The following CHTF18 variants were observed in gnomAD, a reference collection of about 807,000 sequenced individuals.
The protein encoded by CHTF18 is chromosome transmission fidelity factor 18, also known as chromosome transmission fidelity protein 18 homolog.
In CHTF18, 151 loss-of-function variants were observed where a neutral mutation model predicts 113.4. The observed-to-expected ratio is 1.33, with a 90% confidence interval of 1.17 to 1.52. CHTF18 has a LOEUF of 1.52. Among genes scored for constraint, CHTF18 ranks in the 40% most tolerant of loss-of-function variants. The pLI is 0.00. For missense variants in CHTF18, 1,982 were observed against 1,381.6 expected, an observed-to-expected ratio of 1.43 and a Z score of -6.89; for synonymous variants, 916 against 598.8, an observed-to-expected ratio of 1.53 and a Z score of -7.74.
At chr16:793,857 G>A in intron 14 of CHTF18, 197 bp from the exon 15 acceptor site, 1 of 657,468 alleles carries the variant, frequency 1.5e-6, no homozygotes, top group Non-Finnish European at 2.6e-6. Context: ...GGGCTCCTCG[G>A]CTTAAGGGAA....
In CHTF18 at chr16:797,836, CAGGGGACACGGCCCCGG is replaced by C. The variant is rs1329311956; in HGVS notation, c.2792_2808del (p.Gly931AlafsTer43). On this transcript the variant is annotated splice_acceptor_variant and coding_sequence_variant, in exon 22 of 22. Coordinates refer to ENST00000262315, the MANE Select transcript of CHTF18 (RefSeq NM_022092.3). LOFTEE classifies it high-confidence loss of function. ...GCTGAGGAGCAACCCTGTGGCCCCG[CAGGGGACACGGCCCCGG>C]AGCAGGACTCAGTGGAGCGGCGCAT... is the stretch of plus-strand genomic sequence containing the variant. The C allele has an allele frequency of 6.2e-7, 1 of 1,600,778 alleles. No individual in the cohort carries two copies. Among genetic ancestry groups the C allele is most frequent in the East Asian group, 2.3e-5 (1 of 44,418 alleles).
chr16:794,272 C>G, intron 15 of CHTF18, 71 bp downstream of exon 15: 1 of 1,546,554 alleles, frequency 6.5e-7, no homozygotes, highest in Non-Finnish European at 8.8e-7. Context: ...CCTGCCCCTG[C>G]CGGTCCTCCC....
chr16:792,481 C>G lies in CHTF18; in HGVS notation c.1369C>G (p.Pro457Ala), dbSNP rs780779073. 1 of 1,587,508 alleles carries G rather than the reference C, an allele frequency of 6.3e-7. No individual in the cohort carries two copies. Among genetic ancestry groups the G allele is most frequent in the South Asian group, 1.1e-5 (1 of 88,144 alleles). The change falls in exon 11 of 22, where the codon CCA (proline) becomes GCA (alanine). Residue 457 changes from proline (P) to alanine (A), a missense_variant. Transcript: ENST00000262315. ...CCTGAGCATCCTGAACCGCAAGGGGCCACAGGAGGTGGGGCCACAGGGCCC... is the reference window on the plus strand; with the variant it reads ...CCTGAGCATCCTGAACCGCAAGGGGGCACAGGAGGTGGGGCCACAGGGCCC... ...VLLSILNRKG[P>A]QEVGPQGPAV...
In CHTF18 at chr16:789,032, C is replaced by T. The variant is rs746431002; in HGVS notation, c.193C>T (p.Pro65Ser). Residue 65 changes from proline (P) to serine (S), a missense_variant, in exon 2 of 22, where the codon CCC becomes TCC. By Grantham distance (74) the Pro-to-Ser change is moderately conservative. Transcript: ENST00000262315. ...ALARGDAASS[P>S]APAASVGSSQ... ...TGCCAGAGGGGACGCGGCCTCCAGT[C>T]CCGCCCCAGCCGCATCTGTGGGCAG... The T allele has an allele frequency of 1.2e-5, 18 of 1,536,648 alleles. No individual in the cohort carries two copies. The highest frequency in any genetic ancestry group is 2.4e-5 in the East Asian group (1 of 40,822).
rs778197794 is a variant in CHTF18 at position 795,695 on chromosome 16, G to A, written c.2186G>A (p.Arg729Gln). ...FPSSQQEAQN[R>Q]MSQMRNLIQT... The stretch of plus-strand genomic sequence containing the variant: ...CACCCCCTGCCCCAGGCCCAGAACC[G>A]GATGAGCCAGATGAGGAACCTGATC... Residue 729 changes from arginine to glutamine, a missense_variant, in exon 17 of 22, where the codon CGG (arginine) becomes CAG (glutamine). Coordinates refer to ENST00000262315, the MANE Select transcript of CHTF18 (RefSeq NM_022092.3). 2.6e-5 allele frequency: 41 copies of A among 1,596,060 alleles called. No homozygotes were observed. Among genetic ancestry groups the A allele is most frequent in the Middle Eastern group, 1.7e-4 (1 of 5,788 alleles).
chr16:793,390 C>T (rs2277895), intron 14 of CHTF18, 116 bp downstream of exon 14: 241,277 of 1,359,876 alleles, frequency 0.18, 22,495 homozygotes, highest in East Asian at 0.26. Context: ...CCTGAGCCCG[C>T]GGTTGCCTGG....
rs375988870 is a variant in CHTF18, at chr16:795,230, G to A, written c.2049G>A (p.Ala683=). Reference sequence around the variant, plus strand: ...GGCTGGCCTTCGATGACCTGCTGGCGGGGGCTGCTCATCACAGCCAGAGCT... The same window carrying A: ...GGCTGGCCTTCGATGACCTGCTGGCAGGGGCTGCTCATCACAGCCAGAGCT... ...LDWLAFDDLL[A]GAAHHSQSFQ... is the part of the protein sequence containing the mutation. The change falls in exon 16 of 22, where the codon GCG becomes GCA. Residue 683 remains alanine (A), a synonymous_variant. Coordinates refer to ENST00000262315, the MANE Select transcript of CHTF18 (RefSeq NM_022092.3). 74 of 1,551,060 alleles carry A rather than the reference G, an allele frequency of 4.8e-5. No homozygotes were observed. Among genetic ancestry groups the A allele is most frequent in the South Asian group, 2.3e-4 (19 of 84,266 alleles).
chr16:791,380 G>A lies in CHTF18; in HGVS notation c.1104+10G>A, dbSNP rs1344980080. The A allele has an allele frequency of 4.4e-6, 7 of 1,589,288 alleles. No homozygotes were observed. Among genetic ancestry groups the A allele is most frequent in the Admixed American group, 1.7e-5 (1 of 58,340 alleles). On this transcript the variant is annotated intron_variant, in intron 8 of 21. Coordinates refer to ENST00000262315, the MANE Select transcript of CHTF18 (RefSeq NM_022092.3). The stretch of plus-strand genomic sequence containing the variant: ...GCGACCGAAGCAGAAGGTGAGCCCC[G>A]CTGGCTGTGCCGCCGGGAACAAGCC...
intron 10 of CHTF18, 33 bp from the exon 11 acceptor site, chr16:792,406 C>G: frequency 1.3e-6 from 2 of 1,561,094 alleles, no homozygotes; most frequent in East Asian, 4.8e-5. Flanking sequence ...GCAGCAGGGC[C>G]TGGACTCACC....
chr16:796,186 G>T, intron 18 of CHTF18, 109 bp downstream of exon 18: 1 of 1,393,942 alleles, frequency 7.2e-7, no homozygotes, highest in African/African-American at 1.4e-5. Flanking sequence ...CATGGCGTCT[G>T]GGGGTGGCGG....
chr16:789,467 C>T (rs2042106525), intron 3 of CHTF18, 80 bp from the exon 4 acceptor site: 6 of 1,538,294 alleles, frequency 3.9e-6, no homozygotes, highest in African/African-American at 1.4e-5. Flanking sequence ...GGTTCCATGG[C>T]TGAGAGCAGT....
Position 795,821 on chromosome 16 carries a change from C to T in CHTF18, c.2312C>T (p.Pro771Leu), listed in dbSNP as rs778948932. 4 of 1,609,704 alleles carry T rather than the reference C, an allele frequency of 2.5e-6. No homozygotes were observed. Among genetic ancestry groups the T allele is most frequent in the East Asian group, 4.5e-5 (2 of 44,646 alleles). The change falls in exon 17 of 22, where the codon CCC becomes CTC. Residue 771 changes from proline (P) to leucine (L), a missense_variant. By Grantham distance (98) the Pro-to-Leu change is moderately conservative. Transcript: ENST00000262315. ...ALCLLLDILA[P>L]KLRPVSTQLY... ...TGCCTGCTCCTGGACATTCTTGCAC[C>T]CAAGCTCCGCCCCGTGAGTGCCGTC... is the stretch of plus-strand genomic sequence containing the variant.
intron 15 of CHTF18, 188 bp from the exon 16 acceptor site, chr16:794,944 G>T: frequency 3.4e-6 from 2 of 586,612 alleles, no homozygotes; most frequent in Non-Finnish European, 6.1e-6. Context: ...TGGGCCCAGT[G>T]ACCCCTTGCT....
chr16:793,199 G>C lies in CHTF18; in HGVS notation c.1727G>C (p.Arg576Pro), dbSNP rs199722031. ...AGCGTGCGGGACGTGCAGGCCACAC[G>C]CGTGGGCCTCAAGGACCAGCGCAGA... Reference protein sequence around the residue: ...ELSVRDVQATRVGLKDQRRGL... With the variant: ...ELSVRDVQATPVGLKDQRRGL... The change falls in exon 14 of 22, where the codon CGC (arginine) becomes CCC (proline). Residue 576 changes from arginine (R) to proline (P), a missense_variant. Coordinates refer to ENST00000262315, the MANE Select transcript of CHTF18 (RefSeq NM_022092.3). The C allele has an allele frequency of 1.2e-6, 2 of 1,608,914 alleles. No homozygotes were observed. Among genetic ancestry groups the C allele is most frequent in the African/African-American group, 1.3e-5 (1 of 74,784 alleles).
At chr16:796,601 C>T in intron 18 of CHTF18, 116 bp from the exon 19 acceptor site, 3 of 1,269,064 alleles carry the variant, frequency 2.4e-6, no homozygotes, top group Non-Finnish European at 3.2e-6. Flanking sequence ...GGACTCAGCC[C>T]CACATTCCTG....
chr16:791,840 C>G lies in CHTF18; in HGVS notation c.1105-11C>G, dbSNP rs200335353. The stretch of plus-strand genomic sequence containing the variant: ...CGGTGCACACTACGCCTTCATCTAC[C>G]TGGGCTGCAGGTGGCACTGCTCTGT... On this transcript the variant is annotated splice_polypyrimidine_tract_variant and intron_variant, in intron 8 of 21. Coordinates refer to ENST00000262315, the MANE Select transcript of CHTF18 (RefSeq NM_022092.3). The G allele has an allele frequency of 4.4e-6, 7 of 1,595,830 alleles. No homozygotes were observed. The highest frequency in any genetic ancestry group is 6.0e-6 in the Non-Finnish European group (7 of 1,172,422).
rs374003715 is a variant in CHTF18, at chr16:795,267, C to A, written c.2086C>A (p.Arg696Ser). The change falls in exon 16 of 22, where the codon CGC becomes AGC. Residue 696 changes from arginine (R) to serine (S), a missense_variant. Transcript: ENST00000262315. ...TCACAGCCAGAGCTTCCAGCTGCTG[C>A]GCTACCCACCCTTCCTGCCCGTGGC... Reference protein sequence around the residue: ...AHHSQSFQLLRYPPFLPVAFH... With the variant: ...AHHSQSFQLLSYPPFLPVAFH... 11 of 1,549,056 alleles carry A rather than the reference C, an allele frequency of 7.1e-6. No homozygotes were observed. The highest frequency in any genetic ancestry group is 9.6e-6 in the Non-Finnish European group (11 of 1,146,794).
chr16:793,388 C>G, intron 14 of CHTF18, 114 bp downstream of exon 14: 4 of 1,379,048 alleles, frequency 2.9e-6, no homozygotes, highest in African/African-American at 1.4e-5. Flanking sequence ...GTCCTGAGCC[C>G]GCGGTTGCCT....
rs148512557 is a variant in CHTF18, at chr16:792,952, C to T, written c.1573-14C>T. ...GGCATACCATCGGGCCCTCCAGCAG[C>T]CCTTCTCCACCAGGTCTCCCTGCGG... is the stretch of plus-strand genomic sequence containing the variant. On this transcript the variant is annotated splice_polypyrimidine_tract_variant and intron_variant, in intron 12 of 21. Transcript: ENST00000262315. The T allele has an allele frequency of 0.012, 18,464 of 1,551,182 alleles. 143 individuals carry two copies. Among genetic ancestry groups the T allele is most frequent in the Middle Eastern group, 0.021 (125 of 5,894 alleles).
Sources: allele counts gnomAD v4.1 joint callset, GRCh38; gene constraint gnomAD v4.1.1; transcripts MANE v1.5; gene names NCBI Gene and HGNC (gene_info 2026-07-23, HGNC 2026-07-21).